PCTP: variants seen among roughly 807,000 people sequenced by gnomAD.
PCTP encodes the protein START domain-containing protein 2.
Under a neutral mutation model 31.0 loss-of-function variants are expected in PCTP, and 27 were observed. The ratio of observed to expected loss-of-function variants is 0.87; its 90% confidence interval spans 0.64 to 1.20. The LOEUF is 1.20. PCTP is among the 50% of genes most tolerant of loss of function. PCTP has a pLI of 0.00. For missense variants in PCTP, 287 were observed against 268.2 expected (o/e 1.07, Z -0.49); for synonymous variants, 108 against 101.2 (o/e 1.07, Z -0.40).
At chr17:55,771,218 C>T in intron 3 of PCTP, 33 bp downstream of exon 3, 1 of 1,528,094 alleles carries the variant, frequency 6.5e-7, no homozygotes, top group South Asian at 1.1e-5. Flanking sequence ...ATTCCCTGGC[C>T]CTCTAAGTGT....
chr17:55,778,842 A>G (rs1488554444), downstream of PCTP, among the ~76,000 whole-genome samples: 1 of 152,180 alleles, frequency 6.6e-6, no homozygotes, highest in Non-Finnish European at 1.5e-5. Flanking sequence ...TTCCACAGGC[A>G]AATTATTCAC....
intron 5 of PCTP, among the ~76,000 whole-genome samples, chr17:55,841,352 A>T (rs1905975814): frequency 6.6e-6 from 1 of 152,190 alleles, no homozygotes; most frequent in Non-Finnish European, 1.5e-5. Context: ...TCCACAGAGG[A>T]GAGGTTGTGG....
chr17:55,812,931 G>T (rs190753113), intron 3 of PCTP, among the ~76,000 whole-genome samples: 2 of 152,104 alleles, frequency 1.3e-5, no homozygotes, highest in African/African-American at 4.8e-5. Context: ...GTGCCTTTCC[G>T]CAGTCATGAG....
chr17:55,760,603 T>C (rs962250666), intron 1 of PCTP, among the ~76,000 whole-genome samples: 2 of 152,256 alleles, frequency 1.3e-5, no homozygotes, highest in African/African-American at 4.8e-5. Context: ...TGGAATAGTA[T>C]ATGGAAAAAC....
intron 3 of PCTP, among the ~76,000 whole-genome samples, chr17:55,796,220 G>A (rs1912183322): frequency 6.6e-6 from 1 of 151,956 alleles, no homozygotes; most frequent in Non-Finnish European, 1.5e-5. Context: ...GATTGTGAAA[G>A]GCATAATACA....
chr17:55,774,786 C>G lies in PCTP; in HGVS notation c.512-6C>G. The G allele has an allele frequency of 6.2e-7, 1 of 1,604,108 alleles. No homozygotes were observed. The highest frequency in any genetic ancestry group is 8.5e-7 in the Non-Finnish European group (1 of 1,172,884). The stretch of plus-strand genomic sequence containing the variant: ...TTTCTGAATTGTCCTTTCTTTCCCT[C>G]TCTAGTTTTCATGTATTACTTCGAT... On this transcript the variant is annotated splice_region_variant and splice_polypyrimidine_tract_variant and intron_variant, in intron 4 of 5. Transcript: ENST00000268896.
At chr17:55,814,012 T>G (rs2145050531) in intron 3 of PCTP, among the ~76,000 whole-genome samples, 1 of 150,960 alleles carries the variant, frequency 6.6e-6, no homozygotes, top group South Asian at 2.1e-4. Flanking sequence ...ATCGTGTCAC[T>G]GCACTCCAGC....
At position 55,773,580 on chromosome 17, in the gene PCTP, G is replaced by A; in HGVS notation, c.340-144G>A. ...TCTTGCAGTGCAGGTATGGAGACAG[G>A]GCACGTCAGTGAACTAGTGGTAGAA... On this transcript the variant is annotated intron_variant, in intron 3 of 5. Transcript: ENST00000268896. 9 of 681,824 alleles carry A rather than the reference G, an allele frequency of 1.3e-5. No homozygotes were observed. In the South Asian group the frequency reaches 1.7e-4, roughly 13 times the overall value. 42.2% of individuals were successfully genotyped at this position (681,824 alleles called of 1,614,324 possible).
chr17:55,767,666 T>C (rs9903389), intron 2 of PCTP, among the ~76,000 whole-genome samples: 6,485 of 152,020 alleles, frequency 0.043, 396 homozygotes, highest in African/African-American at 0.13. Context: ...GGTTTCTCCA[T>C]GTTAGTCAGG....
rs12937728 is a variant in PCTP at position 55,783,459 on chromosome 17, A to C, written c.229-4107A>C. Among the ~76,000 whole-genome samples the C allele has an allele frequency of 2.0e-5, 3 of 152,236 alleles. No individual in the cohort carries two copies. The East Asian group carries it at 5.8e-4, about 29-fold the overall frequency. ...ACGCCGAATTCATTTTCTCTAATCT[A>C]TCTTATCCAATTCCTCTCTAGTGGT... On this transcript the variant is annotated intron_variant, in intron 2 of 3. Transcript: ENST00000572536.
chr17:55,758,566 C>A (rs1021205011), intron 1 of PCTP, among the ~76,000 whole-genome samples: 1 of 152,200 alleles, frequency 6.6e-6, no homozygotes, highest in African/African-American at 2.4e-5. Flanking sequence ...TTTCTGTCAT[C>A]CTTCTGATTA....
At chr17:55,850,620 C>A in the PCTP span, among the ~76,000 whole-genome samples, 1 of 152,160 alleles carries the variant, frequency 6.6e-6, no homozygotes, top group African/African-American at 2.4e-5. Context: ...AAGATCCAAC[C>A]AACTCCTGTG....
intron 3 of PCTP, among the ~76,000 whole-genome samples, chr17:55,809,082 C>G (rs1217616259): frequency 6.6e-6 from 1 of 152,112 alleles, no homozygotes; most frequent in Non-Finnish European, 1.5e-5. Context: ...CATTTTTGGC[C>G]AAAGACTATG....
intron 3 of PCTP, among the ~76,000 whole-genome samples, chr17:55,772,085 A>C (rs1863398316): frequency 6.6e-6 from 1 of 152,230 alleles, no homozygotes; most frequent in Non-Finnish European, 1.5e-5. Flanking sequence ...GTATCAGATG[A>C]TATCTATCAC....
downstream of PCTP, among the ~76,000 whole-genome samples, chr17:55,778,287 G>GT (rs1911436516): frequency 6.6e-6 from 1 of 151,296 alleles, no homozygotes; most frequent in African/African-American, 2.4e-5. Context: ...CTCAGGGTGT[G>GT]TTTTTCTGCA....
At chr17:55,797,957 C>T (rs905009981) in intron 3 of PCTP, among the ~76,000 whole-genome samples, 6 of 151,774 alleles carry the variant, frequency 4.0e-5, no homozygotes, top group Non-Finnish European at 7.4e-5. Context: ...ATTTATAAGA[C>T]ACAAACTTTT....
chr17:55,786,177 G>A (rs544958169), intron 2 of PCTP, among the ~76,000 whole-genome samples: 2 of 143,096 alleles, frequency 1.4e-5, no homozygotes, highest in South Asian at 2.1e-4. Flanking sequence ...CCAGCTACTC[G>A]GGAGCTGAGG....
intron 1 of PCTP, among the ~76,000 whole-genome samples, chr17:55,753,143 G>C (rs573186943): frequency 6.6e-6 from 1 of 152,186 alleles, no homozygotes; most frequent in Non-Finnish European, 1.5e-5. Flanking sequence ...CTGCTCAGAC[G>C]TGTCTAGCAT....
intron 3 of PCTP, among the ~76,000 whole-genome samples, chr17:55,816,901 T>C (rs534948547): frequency 1.2e-3 from 176 of 152,308 alleles, no homozygotes; most frequent in Non-Finnish European, 1.9e-3. Flanking sequence ...GGGGTAAAGA[T>C]CATATGCAAC....
Sources: gnomAD v4.1 joint callset for allele counts (sites outside exome capture counted in the v4.1 genomes callset) on GRCh38, gnomAD v4.1.1 for gene constraint, MANE v1.5 for transcripts, NCBI Gene and HGNC (gene_info 2026-07-23, HGNC 2026-07-21) for gene names.